Variants in PUM1 observed in about 807,000 individuals in gnomAD.
PUM1 encodes the protein pumilio homolog 1.
PUM1 carries 13 observed loss-of-function variants against 131.8 expected under a neutral mutation model. The observed-to-expected ratio is 0.10, with a 90% CI of 0.06 to 0.16. PUM1 has a LOEUF of 0.16. Ranked by LOEUF, PUM1 falls within the 10% of genes least tolerant of loss-of-function variation. PUM1 has a pLI of 1.00. For missense variants in PUM1, 961 were observed against 1,512.4 expected (o/e 0.64, Z 6.05); for synonymous variants, 509 against 556.5 (o/e 0.91, Z 1.20).
chr1:31,044,398 T>TA (rs2124576309), intron 2 of PUM1, among the ~76,000 whole-genome samples: 1 of 152,026 alleles, frequency 6.6e-6, no homozygotes, highest in African/African-American at 2.4e-5. Flanking sequence ...AGACTCCATC[T>TA]AAAAAATAAA....
intron 9 of PUM1, among the ~76,000 whole-genome samples, chr1:30,976,236 G>GA (rs1449189682): frequency 5.3e-5 from 8 of 152,310 alleles, no homozygotes. Context: ...AAGTGTGGCA[G>GA]AAATCTAATT....
rs1320062559 is a variant in PUM1 at position 30,940,082 on chromosome 1, A to AC, written c.3242+1068dup. Among the ~76,000 whole-genome samples, 20 of 152,264 alleles carry AC rather than the reference A, an allele frequency of 1.3e-4. No homozygotes were observed. In the East Asian group the frequency reaches 3.9e-3, roughly 29 times the overall value. ...AAACAATATAAAGTCGTAAGAGATA[A>AC]CCCTGATAGGGCTAGGCTATGGAGA... On this transcript the variant is annotated intron_variant, in intron 20 of 21. Coordinates refer to ENST00000426105, the MANE Select transcript of PUM1 (RefSeq NM_001020658.2).
intron 2 of PUM1, among the ~76,000 whole-genome samples, chr1:31,056,218 A>G (rs1388698866): frequency 6.6e-6 from 1 of 152,194 alleles, no homozygotes; most frequent in Non-Finnish European, 1.5e-5. Flanking sequence ...TCCAGGATAT[A>G]AGATTTCTAA....
Position 31,006,033 on chromosome 1 carries a change from T to A in PUM1, c.542-2A>T. ...TGATTGGCTGGGAAACTGAATGATCTACAAAAAAGATACACAAGCATGATA... is the reference window on the plus strand; with the variant it reads ...TGATTGGCTGGGAAACTGAATGATCAACAAAAAAGATACACAAGCATGATA... On this transcript the variant is annotated splice_acceptor_variant, in intron 4 of 21. Transcript: ENST00000426105. LOFTEE classifies it high-confidence loss of function. The A allele has an allele frequency of 6.3e-7, 1 of 1,595,408 alleles. No individual in the cohort carries two copies. The highest frequency in any genetic ancestry group is 1.8e-5 in the Admixed American group (1 of 55,980).
Position 31,038,184 on chromosome 1 carries a change from G to A in PUM1, c.364-9320C>T, listed in dbSNP as rs572235406. Among the ~76,000 whole-genome samples, 8 of 150,952 alleles carry A rather than the reference G, an allele frequency of 5.3e-5. No individual in the cohort carries two copies. The South Asian group carries it at 1.7e-3, about 32-fold the overall frequency. On this transcript the variant is annotated intron_variant, in intron 2 of 21. Transcript: ENST00000426105. ...TTTTATTACAGAAGAAAATGCAGAT[G>A]ATCTTTAAAGCTAAAGGTTAAAAAA...
At chr1:31,065,283 G>A (rs1644458707) in intron 1 of PUM1, among the ~76,000 whole-genome samples, 2 of 152,098 alleles carry the variant, frequency 1.3e-5, no homozygotes, top group African/African-American at 4.8e-5. Context: ...AAAGCAACCC[G>A]AATGGCAACA....
At chr1:30,966,325 C>A in intron 12 of PUM1, 47 bp from the exon 13 acceptor site, 1 of 1,500,180 alleles carries the variant, frequency 6.7e-7, no homozygotes, top group Non-Finnish European at 8.9e-7. Flanking sequence ...GGACTGGCCA[C>A]ATTTCCAAAC....
intron 6 of PUM1, 96 bp from the exon 7 acceptor site, chr1:30,992,756 T>C: frequency 3.0e-6 from 3 of 993,998 alleles, no homozygotes; most frequent in African/African-American, 1.6e-5. Flanking sequence ...CATAGCTCAT[T>C]ATCAACAGTA....
chr1:30,948,472 A>G (rs1174069020), intron 17 of PUM1, among the ~76,000 whole-genome samples: 2 of 152,124 alleles, frequency 1.3e-5, no homozygotes, highest in South Asian at 2.1e-4. Flanking sequence ...CACAGGAAAC[A>G]ACGACAGCTG....
At chr1:31,038,466 G>A (rs1183112598) in intron 2 of PUM1, among the ~76,000 whole-genome samples, 1 of 152,138 alleles carries the variant, frequency 6.6e-6, no homozygotes, top group Non-Finnish European at 1.5e-5. Context: ...CACCCGCCAA[G>A]TACCAAACCG....
At chr1:30,961,419 GA>G (rs1640402194) in intron 14 of PUM1, among the ~76,000 whole-genome samples, 1 of 151,898 alleles carries the variant, frequency 6.6e-6, no homozygotes, top group Non-Finnish European at 1.5e-5. Context: ...AGCTACTTGG[GA>G]AGCTGGGGTG....
intron 2 of PUM1, among the ~76,000 whole-genome samples, chr1:31,039,321 C>T (rs751475027): frequency 1.3e-5 from 2 of 151,502 alleles, no homozygotes; most frequent in Non-Finnish European, 2.9e-5. Flanking sequence ...CTCCCGGGTT[C>T]GTGCCATTCT....
intron 5 of PUM1, among the ~76,000 whole-genome samples, chr1:30,995,612 G>GTATGACAGCTAATAGCATAGAAATATTA (rs1641955100): frequency 6.6e-6 from 1 of 151,466 alleles, no homozygotes; most frequent in Admixed American, 6.6e-5. Context: ...ATAAGCCCCA[G>GTATGACAGCTAATAGCATAGAAATATTA]GTATGACAGC....
rs774737875 is a variant in PUM1 at position 30,967,160 on chromosome 1, C to T, written c.1789+7G>A. ...TCTGGCAGGAGTCCACTCAGATGTG[C>T]GCTCACCTGCTTGTGCAGCTGAGGA... On this transcript the variant is annotated splice_region_variant and intron_variant, in intron 12 of 21. Coordinates refer to ENST00000426105, the MANE Select transcript of PUM1 (RefSeq NM_001020658.2). 1.4e-5 allele frequency: 22 copies of T among 1,613,590 alleles called. No homozygotes were observed. The highest frequency in any genetic ancestry group is 6.7e-5 in the Admixed American group (4 of 60,006).
At chr1:31,052,375 T>C (rs1333925902) in intron 2 of PUM1, among the ~76,000 whole-genome samples, 2 of 151,922 alleles carry the variant, frequency 1.3e-5, no homozygotes, top group African/African-American at 2.4e-5. Flanking sequence ...TAGTGTTTCC[T>C]AGTATTTGTT....
intron 9 of PUM1, among the ~76,000 whole-genome samples, chr1:30,979,199 G>C (rs1372152809): frequency 5.9e-5 from 9 of 151,832 alleles, no homozygotes; most frequent in African/African-American, 2.2e-4. Flanking sequence ...AAACAGTGCA[G>C]TAATTAGCCA....
intron 5 of PUM1, among the ~76,000 whole-genome samples, chr1:30,999,888 A>G (rs1441593474): frequency 6.6e-6 from 1 of 152,246 alleles, no homozygotes; most frequent in Non-Finnish European, 1.5e-5. Context: ...AAGAATAAAA[A>G]TCTTAAATGT....
intron 2 of PUM1, among the ~76,000 whole-genome samples, chr1:31,042,123 G>C (rs942541162): frequency 1.3e-5 from 2 of 151,966 alleles, no homozygotes; most frequent in Non-Finnish European, 2.9e-5. Context: ...TGGTCAACAT[G>C]GTTGGAACCC....
chr1:30,961,546 T>C (rs749225095), intron 14 of PUM1, among the ~76,000 whole-genome samples: 11 of 151,806 alleles, frequency 7.2e-5, no homozygotes, highest in Non-Finnish European at 5.9e-5. Flanking sequence ...CGGGGGGGAA[T>C]AGAACTCAAA....
Sources: allele counts gnomAD v4.1 joint callset (sites outside exome capture counted in the v4.1 genomes callset), GRCh38; gene constraint gnomAD v4.1.1; transcripts MANE v1.5; gene names NCBI Gene and HGNC (gene_info 2026-07-23, HGNC 2026-07-21).